CCNY: variants seen among roughly 807,000 people sequenced by gnomAD.
The protein encoded by CCNY is cyclin-Y.
A neutral mutation model predicts 42.8 loss-of-function variants in CCNY; 19 were observed. That is an observed-to-expected ratio of 0.44 (90% CI 0.31 to 0.65). The LOEUF is 0.65. Among genes scored for constraint, CCNY ranks in the 30% least tolerant of loss-of-function variants. The probability of loss-of-function intolerance (pLI) is 0.07; values close to 1 mark genes in which losing one functional copy is unlikely to be tolerated. For missense variants in CCNY, 370 were observed against 437.3 expected, an observed-to-expected ratio of 0.85 and a Z score of 1.37; for synonymous variants, 165 against 162.7, an observed-to-expected ratio of 1.01 and a Z score of -0.11.
At chr10:35,406,205 A>ATTTTAT (rs1184068283) in intron 1 of CCNY, among the ~76,000 whole-genome samples, 113 of 104,426 alleles carry the variant, frequency 1.1e-3, no homozygotes, top group African/African-American at 4.7e-3. Flanking sequence ...TTTTTATTTT[A>ATTTTAT]TTTATTTATT....
intron 1 of CCNY, among the ~76,000 whole-genome samples, chr10:35,465,216 G>A (rs1253097598): frequency 6.6e-6 from 1 of 152,124 alleles, no homozygotes; most frequent in Non-Finnish European, 1.5e-5. Context: ...CTTTATGCAT[G>A]GTAGGGCGAG....
chr10:35,415,986 T>C (rs939589284), intron 1 of CCNY, among the ~76,000 whole-genome samples: 1 of 152,228 alleles, frequency 6.6e-6, no homozygotes, highest in African/African-American at 2.4e-5. Context: ...AGGAAGAAAT[T>C]AGTTGCTCTT....
chr10:35,407,782 C>T (rs780907394), intron 1 of CCNY, among the ~76,000 whole-genome samples: 2 of 151,704 alleles, frequency 1.3e-5, no homozygotes, highest in Non-Finnish European at 2.9e-5. Context: ...GGTAGAGACA[C>T]GGAGAAGGGG....
At chr10:35,399,739 A>G (rs1200025641) in intron 1 of CCNY, among the ~76,000 whole-genome samples, 2 of 152,192 alleles carry the variant, frequency 1.3e-5, no homozygotes, top group Non-Finnish European at 2.9e-5. Flanking sequence ...TTATGTGCGG[A>G]GTACTGATAG....
chr10:35,552,272 G>C (rs941059322), intron 7 of CCNY, among the ~76,000 whole-genome samples: 1 of 152,222 alleles, frequency 6.6e-6, no homozygotes, highest in African/African-American at 2.4e-5. Flanking sequence ...AGACAGAAAA[G>C]GACGAATATT....
intron 1 of CCNY, among the ~76,000 whole-genome samples, chr10:35,453,126 A>G (rs1195448844): frequency 6.6e-6 from 1 of 152,150 alleles, no homozygotes; most frequent in Non-Finnish European, 1.5e-5. Context: ...TCATAGAGAT[A>G]GGGTCTTGCT....
chr10:35,521,857 T>G (rs1278933907), intron 4 of CCNY, among the ~76,000 whole-genome samples: 1 of 151,998 alleles, frequency 6.6e-6, no homozygotes, highest in African/African-American at 2.4e-5. Flanking sequence ...TGGATGGGGC[T>G]TCGTGGCTGA....
intron 1 of CCNY, among the ~76,000 whole-genome samples, chr10:35,363,711 A>C (rs146492983): frequency 5.3e-5 from 8 of 152,260 alleles, no homozygotes; most frequent in East Asian, 1.9e-4. Flanking sequence ...ACTGTCAGTC[A>C]GAGGAAAGCT....
chr10:35,390,836 T>G (rs1009187184), intron 1 of CCNY, among the ~76,000 whole-genome samples: 1 of 152,202 alleles, frequency 6.6e-6, no homozygotes, highest in African/African-American at 2.4e-5. Context: ...ATGTAAATGC[T>G]CAAGATACAT....
intron 7 of CCNY, among the ~76,000 whole-genome samples, chr10:35,533,131 C>T (rs1163250059): frequency 6.6e-6 from 1 of 152,188 alleles, no homozygotes; most frequent in Non-Finnish European, 1.5e-5. Flanking sequence ...ATAGCTTTCC[C>T]CACCCTTCAT....
At chr10:35,289,812 T>G (rs1162157935) in intron 3 of CCNY, among the ~76,000 whole-genome samples, 3 of 150,244 alleles carry the variant, frequency 2.0e-5, no homozygotes, top group Non-Finnish European at 4.4e-5. Flanking sequence ...AGGTGGAGGT[T>G]GTTTTGCAGT....
chr10:35,451,970 T>A (rs1399462679), intron 1 of CCNY, among the ~76,000 whole-genome samples: 1 of 152,212 alleles, frequency 6.6e-6, no homozygotes, highest in Non-Finnish European at 1.5e-5. Context: ...CAACTTTGTG[T>A]TATAGTGAAG....
At chr10:35,421,712 G>C (rs1838162810) in intron 1 of CCNY, among the ~76,000 whole-genome samples, 1 of 152,034 alleles carries the variant, frequency 6.6e-6, no homozygotes. Flanking sequence ...TTTTCCTCCA[G>C]GATGCCGTTC....
intron 7 of CCNY, among the ~76,000 whole-genome samples, chr10:35,552,794 C>T (rs765912210): frequency 6.6e-6 from 1 of 152,212 alleles, no homozygotes; most frequent in East Asian, 1.9e-4. Flanking sequence ...TCCACAGAGT[C>T]TGTTTAAGAT....
At chr10:35,377,529 T>C (rs867300658) in intron 1 of CCNY, among the ~76,000 whole-genome samples, 13 of 152,304 alleles carry the variant, frequency 8.5e-5, no homozygotes, top group Middle Eastern at 6.8e-3. Context: ...GTACACTCTA[T>C]GACGTTTGCA....
At chr10:35,321,427 C>CT (rs1835821009) in intron 3 of CCNY, among the ~76,000 whole-genome samples, 1 of 151,958 alleles carries the variant, frequency 6.6e-6, no homozygotes, top group Admixed American at 6.6e-5. Flanking sequence ...AATCCCAGCA[C>CT]TTTTGGAGGC....
chr10:35,302,801 T>C (rs1028652918), intron 3 of CCNY, among the ~76,000 whole-genome samples: 3 of 152,128 alleles, frequency 2.0e-5, no homozygotes, highest in African/African-American at 7.2e-5. Context: ...TAAGGCTGAG[T>C]AGAAAATTGC....
intron 3 of CCNY, among the ~76,000 whole-genome samples, chr10:35,310,716 G>T (rs180927760): frequency 4.6e-3 from 696 of 152,174 alleles, no homozygotes; most frequent in Non-Finnish European, 6.9e-3. Flanking sequence ...TTTTTTGATT[G>T]CTTAGCCTTT....
intron 1 of CCNY, among the ~76,000 whole-genome samples, chr10:35,342,326 A>G (rs55814600): frequency 2.1e-4 from 32 of 152,336 alleles, no homozygotes; most frequent in African/African-American, 7.7e-4. Flanking sequence ...TGGGCAGAAC[A>G]TACCGTGGAC....
Sources: allele counts gnomAD v4.1 joint callset (sites outside exome capture counted in the v4.1 genomes callset), GRCh38; gene constraint gnomAD v4.1.1; transcripts MANE v1.5; gene names NCBI Gene and HGNC (gene_info 2026-07-23, HGNC 2026-07-21).